The following RBM24 variants were observed in gnomAD, a reference collection of about 807,000 sequenced individuals.
RBM24 encodes RNA binding motif protein 24, also known as RNA-binding protein 24.
A neutral mutation model predicts 23.6 loss-of-function variants in RBM24; 5 were observed. That is an observed-to-expected ratio of 0.21 (90% confidence interval 0.11 to 0.45). The LOEUF is 0.45. Ranked by LOEUF, RBM24 falls within the 20% of genes least tolerant of loss-of-function variation. RBM24 has a pLI of 0.99. For missense variants in RBM24, 252 were observed against 314.6 expected (o/e 0.80, Z 1.51); for synonymous variants, 151 against 129.5 (o/e 1.17, Z -1.13).
chr6:17,291,909 C>A lies in RBM24; in HGVS notation c.501C>A (p.Ala167=). 6.2e-7 allele frequency: 1 copy of A among 1,612,098 alleles called. No individual in the cohort carries two copies. Among genetic ancestry groups the A allele is most frequent in the Non-Finnish European group, 8.5e-7 (1 of 1,179,528 alleles). The part of the protein sequence containing the change: ...YAQYSAAAAA[A]AAAAAYDQYP... The stretch of plus-strand genomic sequence containing the variant: ...AATACTCAGCAGCTGCTGCTGCTGC[C>A]GCCGCCGCTGCTGCCTATGACCAGT... The change falls in exon 4 of 4, where the codon GCC becomes GCA. Residue 167 remains alanine (A), a synonymous_variant. Coordinates refer to ENST00000379052, the MANE Select transcript of RBM24 (RefSeq NM_001143942.2).
rs745812959 is a variant in RBM24, at chr6:17,291,890, C to T, written c.482C>T (p.Ser161Leu). ...DYTGAAYAQY[S>L]AAAAAAAAAA... ...ACTGGAGCTGCATACGCACAATACT[C>T]AGCAGCTGCTGCTGCTGCCGCCGCC... The change falls in exon 4 of 4, where the codon TCA becomes TTA. Residue 161 changes from serine to leucine, a missense_variant. Physicochemically the swap from Ser to Leu is moderately radical, Grantham distance 145. Transcript: ENST00000379052. 1.2e-6 allele frequency: 2 copies of T among 1,613,908 alleles called. No homozygotes were observed. Among genetic ancestry groups the T allele is most frequent in the Non-Finnish European group, 1.7e-6 (2 of 1,180,004 alleles).
chr6:17,284,703 A>G lies in RBM24; in HGVS notation c.339A>G (p.Arg113=). 1 of 1,610,362 alleles carries G rather than the reference A, an allele frequency of 6.2e-7. No individual in the cohort carries two copies. Among genetic ancestry groups the G allele is most frequent in the Non-Finnish European group, 8.5e-7 (1 of 1,178,488 alleles). The part of the protein sequence containing the change: ...VQQLHPALIQ[R]PFGIPAHYVY... ...AACTTCATCCAGCCCTTATACAAAG[A>G]CCTTTCGGGTAAGTTGATTAATCAG... The change falls in exon 3 of 4, where the codon AGA becomes AGG. Residue 113 remains arginine, a synonymous_variant. Coordinates refer to ENST00000379052, the MANE Select transcript of RBM24 (RefSeq NM_001143942.2).
chr6:17,283,018 T>C, intron 2 of RBM24, 90 bp downstream of exon 2: 1 of 898,306 alleles, frequency 1.1e-6, no homozygotes, highest in Non-Finnish European at 1.8e-6. Context: ...CATTGTCTCT[T>C]TCTGTAGATG....
At chr6:17,289,934 A>G (rs1280917863) in intron 3 of RBM24, 1 of 1,283,168 alleles carries the variant, frequency 7.8e-7, no homozygotes, top group Admixed American at 2.3e-5. Flanking sequence ...CAGTCACCTG[A>G]CCTGCAGCAA....
In RBM24 at chr6:17,281,445, C is replaced by T; in HGVS notation, c.-137C>T. The T allele has an allele frequency of 1.8e-6, 1 of 558,144 alleles. No individual in the cohort carries two copies. Among genetic ancestry groups the T allele is most frequent in the Non-Finnish European group, 2.3e-6 (1 of 436,386 alleles). The allele number at this position is 558,144 out of a possible 1,614,324, so 34.6% of individuals were successfully genotyped here. A position where few individuals can be genotyped will look rare whatever the true frequency, so the allele number is the denominator to read the frequency against. On this transcript the variant is annotated 5_prime_UTR_variant, in exon 1 of 4. Transcript: ENST00000379052. This position sits in a 1 kb window ranked among gnomAD's most constrained non-coding sequence, Gnocchi z 7.1. ...CGGCCGCTCGCCCCCGCCGCGCCGC[C>T]GCCCTCGCCCCCGGGCTCGCCCTTG...
At chr6:17,291,734 T>A in intron 3 of RBM24, 22 bp from the exon 4 acceptor site, 1 of 1,586,980 alleles carries the variant, frequency 6.3e-7, no homozygotes, top group Non-Finnish European at 8.6e-7. Context: ...ACCGCCTGAC[T>A]TTGTTTTCCA....
At chr6:17,283,474 A>G (rs141103373) in intron 2 of RBM24, among the ~76,000 whole-genome samples, 19,068 of 152,086 alleles carry the variant, frequency 0.13, 1,397 homozygotes, top group Middle Eastern at 0.26. Flanking sequence ...CTGGAGTGCA[A>G]TGACGCGATC....
At position 17,291,939 on chromosome 6, in the gene RBM24, C is replaced by G; in HGVS notation, c.531C>G (p.Pro177=). ...CCGCTGCTGCCTATGACCAGTACCC[C>G]TATGCAGCCTCTCCAGCTGCTGCAG... ...AAAAAAYDQY[P]YAASPAAAGY... Residue 177 remains proline (P), a synonymous_variant, in exon 4 of 4, where the codon CCC becomes CCG. Coordinates refer to ENST00000379052, the MANE Select transcript of RBM24 (RefSeq NM_001143942.2). 6.2e-7 allele frequency: 1 copy of G among 1,612,802 alleles called. No individual in the cohort carries two copies. The highest frequency in any genetic ancestry group is 8.5e-7 in the Non-Finnish European group (1 of 1,179,692).
In RBM24 at chr6:17,281,361, A is replaced by C. The variant is rs1453104111; in HGVS notation, c.-221A>C. The C allele has an allele frequency of 2.0e-5, 3 of 151,466 alleles. No homozygotes were observed. In the East Asian group the frequency reaches 6.0e-4, roughly 30 times the overall value. The allele number at this position is 151,466 out of a possible 1,614,324, so 9.4% of individuals were successfully genotyped here. On this transcript the variant is annotated 5_prime_UTR_variant, in exon 1 of 4. Transcript: ENST00000379052. The surrounding 1 kb of genome is among the most constrained non-coding windows in gnomAD (Gnocchi z 7.1). ...GGGGGCGGGAGGAGAGAGCGAAGTC[A>C]AGTCTCCAGGGCCGCTGGCGACTTC...
chr6:17,283,706 C>A (rs527880137), intron 2 of RBM24, among the ~76,000 whole-genome samples: 6 of 152,178 alleles, frequency 3.9e-5, no homozygotes, highest in Admixed American at 3.9e-4. Flanking sequence ...CGTGAGCCAC[C>A]GCGCCTGGCC....
chr6:17,291,551 A>G (rs1561737869), intron 3 of RBM24, among the ~76,000 whole-genome samples: 1 of 152,044 alleles, frequency 6.6e-6, no homozygotes, highest in African/African-American at 2.4e-5. Flanking sequence ...GGAGGGTGTC[A>G]TCATATTTTT....
chr6:17,286,745 T>C (rs1760210012), intron 3 of RBM24, among the ~76,000 whole-genome samples: 1 of 152,114 alleles, frequency 6.6e-6, no homozygotes. Flanking sequence ...AAAGGAAGAC[T>C]GGATATGTCT....
Position 17,282,812 on chromosome 6 carries a change from T to C in RBM24, c.176T>C (p.Met59Thr), listed in dbSNP as rs780849658. Residue 59 changes from methionine (M) to threonine (T), a missense_variant, in exon 2 of 4, where the codon ATG (methionine) becomes ACG (threonine). Met to Thr is a moderately conservative substitution (Grantham distance 81). Transcript: ENST00000379052. The stretch of plus-strand genomic sequence containing the variant: ...TGTGTGTCTGTTGCTAAGGTCACCA[T>C]GGCTGACCGGGCTGCTGCCGAAAGG... ...GKSRGYGFVT[M>T]ADRAAAERAC... 6.2e-7 allele frequency: 1 copy of C among 1,613,846 alleles called. No homozygotes were observed.
At chr6:17,284,478 T>G (rs1479358493) in intron 2 of RBM24, among the ~76,000 whole-genome samples, 179 bp from the exon 3 acceptor site, 1 of 152,228 alleles carries the variant, frequency 6.6e-6, no homozygotes. Context: ...AACCTTTATT[T>G]TGAATCAATG....
intron 3 of RBM24, chr6:17,288,205 CCT>C (rs1165713310): frequency 2.0e-6 from 2 of 982,616 alleles, no homozygotes; most frequent in Non-Finnish European, 2.4e-6. Context: ...TGCAGTCTTT[CCT>C]CTTTGTCAAG....
At chr6:17,287,776 T>C (rs947139073) in intron 3 of RBM24, among the ~76,000 whole-genome samples, 10 of 151,614 alleles carry the variant, frequency 6.6e-5, no homozygotes, top group Admixed American at 1.3e-4. Flanking sequence ...GCCACTGCAC[T>C]CCAGCCTGGG....
chr6:17,289,837 G>T, intron 3 of RBM24: 1 of 1,107,746 alleles, frequency 9.0e-7, no homozygotes, highest in Non-Finnish European at 1.1e-6. Context: ...ATAAGAGTAG[G>T]CTCTCTTAGC....
At chr6:17,289,630 T>C in intron 3 of RBM24, 1 of 985,436 alleles carries the variant, frequency 1.0e-6, no homozygotes. Flanking sequence ...CCCACAGTGT[T>C]GTTCTTGGAA....
At chr6:17,291,319 T>C (rs1760349877) in intron 3 of RBM24, among the ~76,000 whole-genome samples, 1 of 152,206 alleles carries the variant, frequency 6.6e-6, no homozygotes, top group Non-Finnish European at 1.5e-5. Flanking sequence ...AATTATGGAC[T>C]ACCTTTTGAG....
Sources: gnomAD v4.1 joint callset for allele counts (sites outside exome capture counted in the v4.1 genomes callset) on GRCh38, gnomAD v4.1.1 for gene constraint, Gnocchi (gnomAD v3.1) non-coding constraint, MANE v1.5 for transcripts, NCBI Gene and HGNC (gene_info 2026-07-23, HGNC 2026-07-21) for gene names.